The following SNX25 variants were observed in gnomAD, a reference collection of about 807,000 sequenced individuals.
The protein encoded by SNX25 is sorting nexin-25.
In SNX25, 62 loss-of-function variants were observed where a neutral mutation model predicts 113.7. The observed-to-expected ratio is 0.55, with a 90% CI of 0.44 to 0.67. The LOEUF (loss-of-function observed/expected upper bound fraction) is 0.67, where lower values mean the gene tolerates loss of function less well. Ranked by LOEUF, SNX25 falls within the 30% of genes least tolerant of loss-of-function variation. The pLI, the probability that SNX25 is intolerant of heterozygous loss-of-function variation, is 0.00. For synonymous variants in SNX25, 421 were observed against 436.2 expected (o/e 0.97, Z 0.43); for missense variants, 1,014 against 1,161.0 (o/e 0.87, Z 1.84).
chr4:185,308,854 T>G lies in SNX25; in HGVS notation c.1163-1781T>G, dbSNP rs1184526152. On this transcript the variant is annotated intron_variant, in intron 6 of 18. Coordinates refer to ENST00000652585, the MANE Select transcript of SNX25 (RefSeq NM_001378034.2). ...TGTCATTTACTATCCCAGAGCTGAATGTTTCCGAACTCTAGACCTTCTCTC... is the reference window on the plus strand; with the variant it reads ...TGTCATTTACTATCCCAGAGCTGAAGGTTTCCGAACTCTAGACCTTCTCTC... 3.9e-5 allele frequency among the ~76,000 whole-genome samples: 6 copies of G among 152,296 alleles called. No individual in the cohort carries two copies. The East Asian group carries it at 1.2e-3, about 29-fold the overall frequency.
intron 9 of SNX25, among the ~76,000 whole-genome samples, chr4:185,332,221 G>A (rs2095200223): frequency 6.6e-6 from 1 of 152,140 alleles, no homozygotes; most frequent in African/African-American, 2.4e-5. Context: ...ATAGGAGACT[G>A]GAAAGAACCC....
chr4:185,297,666 T>A (rs911718664), intron 6 of SNX25, among the ~76,000 whole-genome samples: 1 of 152,092 alleles, frequency 6.6e-6, no homozygotes, highest in African/African-American at 2.4e-5. Flanking sequence ...ACTGGCAGAT[T>A]TGGTGTCTGA....
rs1056575124 is a variant in SNX25, at chr4:185,243,708, A to T, written c.430-3586A>T. Among the ~76,000 whole-genome samples, 4 of 152,224 alleles carry T rather than the reference A, an allele frequency of 2.6e-5. No individual in the cohort carries two copies. In the South Asian group the frequency reaches 8.3e-4, roughly 32 times the overall value. On this transcript the variant is annotated intron_variant, in intron 1 of 18. Coordinates refer to ENST00000652585, the MANE Select transcript of SNX25 (RefSeq NM_001378034.2). ...AAACCACCATTTTATCATTAAATAA[A>T]TGAAAGGCCTTATTCAGATGTAGTC...
chr4:185,267,207 G>T (rs1351724272), intron 5 of SNX25, 52 bp downstream of exon 5: 2 of 1,508,944 alleles, frequency 1.3e-6, no homozygotes, highest in Admixed American at 2.2e-5. Flanking sequence ...ATCATCCCCT[G>T]CCTAGTTAGG....
Position 185,210,065 on chromosome 4 carries a change from A to C in SNX25, c.239A>C (p.Glu80Ala). 1.0e-6 allele frequency: 1 copy of C among 983,038 alleles called. No individual in the cohort carries two copies. Among genetic ancestry groups the C allele is most frequent in the Non-Finnish European group, 1.2e-6 (1 of 829,222 alleles). 60.9% of individuals were successfully genotyped at this position (983,038 alleles called of 1,614,324 possible). Residue 80 changes from glutamate to alanine, a missense_variant, in exon 1 of 19, where the codon GAG becomes GCG. By Grantham distance (107) the Glu-to-Ala change is moderately radical. Transcript: ENST00000652585. This position sits in a 1 kb window ranked among gnomAD's most constrained non-coding sequence, Gnocchi z 4.4. ...TCCTTCCTGGGGCCCGGCAGCGGGG[A>C]GGCGGCGGGGGCCGCGGGGCTGAGC... ...ALSFLGPGSG[E>A]AAGAAGLSSV... is the part of the protein sequence containing the mutation.
chr4:185,270,935 G>A (rs1748840503), intron 5 of SNX25, among the ~76,000 whole-genome samples: 1 of 152,224 alleles, frequency 6.6e-6, no homozygotes, highest in African/African-American at 2.4e-5. Flanking sequence ...CCATGGGCAA[G>A]TTGGATTGTC....
Position 185,362,031 on chromosome 4 carries a change from C to T in SNX25, c.2759C>T (p.Thr920Ile), listed in dbSNP as rs115309293. ...CCAAATGGGAAGTTGGCACCACCGA[C>T]CACAATCAGAAGCAAAGAGCAAAGT... The part of the protein sequence containing the change: ...FWPNGKLAPP[T>I]TIRSKEQSQE... Residue 920 changes from threonine to isoleucine, a missense_variant, in exon 17 of 19, where the codon ACC becomes ATC. Transcript: ENST00000652585. 7,401 of 1,613,952 alleles carry T rather than the reference C, an allele frequency of 4.6e-3. 27 individuals are homozygous for T. Among genetic ancestry groups the T allele is most frequent in the Non-Finnish European group, 6.0e-3 (7,024 of 1,179,932 alleles).
rs2095307573 is a variant in SNX25 at position 185,350,034 on chromosome 4, C to T, written c.2302-1411C>T. On this transcript the variant is annotated intron_variant, in intron 13 of 18. Coordinates refer to ENST00000652585, the MANE Select transcript of SNX25 (RefSeq NM_001378034.2). ...CTGCAGGGTTCAGGGACAGGGAGGGCAGTAGGGGCACTGCCCATCCCCCTT... is the reference window on the plus strand; with the variant it reads ...CTGCAGGGTTCAGGGACAGGGAGGGTAGTAGGGGCACTGCCCATCCCCCTT... Among the ~76,000 whole-genome samples the T allele has an allele frequency of 6.6e-5, 10 of 152,308 alleles. No homozygotes were observed. In the South Asian group the frequency reaches 1.9e-3, roughly 28 times the overall value.
In SNX25 at chr4:185,346,695, T is replaced by C. The variant is rs367906576; in HGVS notation, c.2301+45T>C. The C allele has an allele frequency of 4.8e-4, 623 of 1,287,136 alleles. 1 individual carries two copies. The highest frequency in any genetic ancestry group is 6.4e-4 in the Non-Finnish European group (587 of 919,986). The allele number at this position is 1,287,136 out of a possible 1,614,324, so 79.7% of individuals were successfully genotyped here. ...GGGATATGAGAGAAAAAATTAGTTATTTAGGGTTAAACTGTCATCATTCTA... is the reference window on the plus strand; with the variant it reads ...GGGATATGAGAGAAAAAATTAGTTACTTAGGGTTAAACTGTCATCATTCTA... On this transcript the variant is annotated intron_variant, in intron 13 of 18. Coordinates refer to ENST00000652585, the MANE Select transcript of SNX25 (RefSeq NM_001378034.2).
chr4:185,263,675 T>C (rs1333635994), intron 3 of SNX25, among the ~76,000 whole-genome samples: 1 of 152,226 alleles, frequency 6.6e-6, no homozygotes, highest in Non-Finnish European at 1.5e-5. Flanking sequence ...CTCCCTCTGC[T>C]TCATGTTTTT....
Position 185,278,747 on chromosome 4 carries a change from T to G in SNX25, c.1092-9265T>G, listed in dbSNP as rs116364314. Among the ~76,000 whole-genome samples the G allele has an allele frequency of 3.9e-3, 588 of 152,316 alleles. 2 individuals are homozygous for G. The highest frequency in any genetic ancestry group is 0.013 in the African/African-American group (540 of 41,570). On this transcript the variant is annotated intron_variant, in intron 5 of 18. Coordinates refer to ENST00000652585, the MANE Select transcript of SNX25 (RefSeq NM_001378034.2). ...CTAGTCAACTAAAGGTGATATTCAGTAAACATTCTGAATAAAAAAGCTTAA... is the reference window on the plus strand; with the variant it reads ...CTAGTCAACTAAAGGTGATATTCAGGAAACATTCTGAATAAAAAAGCTTAA...
intron 5 of SNX25, among the ~76,000 whole-genome samples, chr4:185,280,165 C>A (rs556065767): frequency 1.3e-5 from 2 of 152,160 alleles, no homozygotes; most frequent in African/African-American, 4.8e-5. Context: ...ATCCACCGAC[C>A]TTGGCCTCCC....
At chr4:185,375,702 G>C in the SNX25 span, 2 of 1,609,576 alleles carry the variant, frequency 1.2e-6, no homozygotes, top group African/African-American at 1.3e-5. Context: ...TCTTCAAACT[G>C]TTCTAATGCT....
downstream of SNX25, chr4:185,370,319 A>ACATT: frequency 3.9e-6 from 1 of 253,866 alleles, no homozygotes; most frequent in Non-Finnish European, 7.9e-6. Context: ...ATGAACGTAT[A>ACATT]CATTCACACT....
chr4:185,252,713 G>T (rs1745846994), intron 2 of SNX25, among the ~76,000 whole-genome samples: 2 of 152,050 alleles, frequency 1.3e-5, no homozygotes, highest in South Asian at 4.1e-4. Context: ...TTGTGCTTGT[G>T]TTGTAGCTCA....
the SNX25 span, chr4:185,378,218 G>C: frequency 6.2e-7 from 1 of 1,603,552 alleles, no homozygotes; most frequent in Non-Finnish European, 8.5e-7. Flanking sequence ...CTATAAGCAA[G>C]AAGAAAAAAT....
the SNX25 span, chr4:185,378,085 C>A: frequency 6.2e-7 from 1 of 1,611,994 alleles, no homozygotes; most frequent in Non-Finnish European, 8.5e-7. Flanking sequence ...TTGTACCAGT[C>A]TTTTCCTTTT....
chr4:185,204,983 T>A (rs535003310), upstream of SNX25, among the ~76,000 whole-genome samples: 8 of 152,356 alleles, frequency 5.3e-5, no homozygotes, highest in African/African-American at 1.9e-4. Context: ...TGGTATACAA[T>A]CCAGTAGTTA....
Position 185,217,923 on chromosome 4 carries a change from C to A in SNX25, c.429+7668C>A, listed in dbSNP as rs75963202. 8.0e-3 allele frequency among the ~76,000 whole-genome samples: 1,223 copies of A among 152,254 alleles called. 14 individuals carry two copies. Among genetic ancestry groups the A allele is most frequent in the African/African-American group, 0.027 (1,130 of 41,530 alleles). ...AGGAAAAAGATTGCAAACTCAGAAC[C>A]TGTATTTTTATCCTTCACTGCTGTA... On this transcript the variant is annotated intron_variant, in intron 1 of 18. Coordinates refer to ENST00000652585, the MANE Select transcript of SNX25 (RefSeq NM_001378034.2).
Sources: allele counts gnomAD v4.1 joint callset (sites outside exome capture counted in the v4.1 genomes callset), GRCh38; gene constraint gnomAD v4.1.1; non-coding constraint Gnocchi (gnomAD v3.1); transcripts MANE v1.5; gene names NCBI Gene and HGNC (gene_info 2026-07-23, HGNC 2026-07-21).